The following RFC2 variants were observed in gnomAD, a reference collection of about 807,000 sequenced individuals.
RFC2 encodes A1 40 kDa subunit.
Under a neutral mutation model 44.8 loss-of-function variants are expected in RFC2, and 34 were observed. The ratio of observed to expected loss-of-function variants is 0.76; its 90% confidence interval spans 0.58 to 1.01. RFC2 has a LOEUF of 1.01. Among genes scored for constraint, RFC2 ranks in the 50% least tolerant of loss-of-function variants. The pLI is 0.00. For missense variants in RFC2, 400 were observed against 453.6 expected, an observed-to-expected ratio of 0.88 and a Z score of 1.07; for synonymous variants, 177 against 168.9, an observed-to-expected ratio of 1.05 and a Z score of -0.37.
At position 74,243,602 on chromosome 7, in the gene RFC2, TTC is replaced by T. The variant is rs1232036022; in HGVS notation, c.435-358_435-357del. Among the ~76,000 whole-genome samples the T allele has an allele frequency of 3.3e-5, 5 of 150,300 alleles. 1 individual carries two copies. The South Asian group carries it at 1.0e-3, about 31-fold the overall frequency. ...CCAACTTTTCTTTCTTCCTTTTTTA[TTC>T]TTTTTTTTTTCTTAAAGAGACAGGT... On this transcript the variant is annotated intron_variant, in intron 5 of 10. Transcript: ENST00000055077.
At chr7:74,246,871 T>C in intron 4 of RFC2, 108 bp from the exon 5 acceptor site, 1 of 544,242 alleles carries the variant, frequency 1.8e-6, no homozygotes, top group South Asian at 3.0e-5. Context: ...CCAATTTCCA[T>C]TTTTGAGTTT....
chr7:74,235,819 A>C (rs1802985756), intron 9 of RFC2, among the ~76,000 whole-genome samples, 174 bp from the exon 10 acceptor site: 1 of 151,998 alleles, frequency 6.6e-6, no homozygotes, highest in East Asian at 1.9e-4. Context: ...GTTTTGCTTA[A>C]ATATTTTTTT....
chr7:74,240,890 T>G (rs1480034004), intron 6 of RFC2, among the ~76,000 whole-genome samples: 2 of 152,098 alleles, frequency 1.3e-5, no homozygotes, highest in Non-Finnish European at 2.9e-5. Context: ...CCTCCCAAAG[T>G]GCAGGGATTA....
intron 5 of RFC2, among the ~76,000 whole-genome samples, chr7:74,246,263 G>T (rs1803599855): frequency 6.6e-6 from 1 of 151,882 alleles, no homozygotes; most frequent in African/African-American, 2.4e-5. Context: ...GCCGGGTGTG[G>T]CGGCAGATGC....
chr7:74,235,443 A>G, intron 10 of RFC2, 89 bp downstream of exon 10: 2 of 857,988 alleles, frequency 2.3e-6, no homozygotes, highest in Middle Eastern at 2.2e-4. Context: ...CGGCCTCCCA[A>G]AGTGCTGGGA....
rs1195485391 is a variant in RFC2 at position 74,237,345 on chromosome 7, G to C, written c.840+17C>G. 1 of 1,590,106 alleles carries C rather than the reference G, an allele frequency of 6.3e-7. No homozygotes were observed. Among genetic ancestry groups the C allele is most frequent in the African/African-American group, 1.3e-5 (1 of 74,770 alleles). On this transcript the variant is annotated intron_variant, in intron 9 of 10. Coordinates refer to ENST00000055077, the MANE Select transcript of RFC2 (RefSeq NM_181471.3). The stretch of plus-strand genomic sequence containing the variant: ...AGTGAGCGGTTCCTCTGCCAGGACG[G>C]GGGGAAGGAGGCCAACCTTGTAGGC...
chr7:74,245,310 G>C (rs1355671882), intron 5 of RFC2, among the ~76,000 whole-genome samples: 1 of 151,412 alleles, frequency 6.6e-6, no homozygotes, highest in Admixed American at 6.6e-5. Flanking sequence ...ATGAGCCACC[G>C]AGCCTGGACT....
intron 10 of RFC2, among the ~76,000 whole-genome samples, chr7:74,233,429 T>A (rs1554717572): frequency 6.6e-6 from 1 of 151,886 alleles, no homozygotes; most frequent in Non-Finnish European, 1.5e-5. Context: ...AATGTAAAAA[T>A]TTTAAAAAAT....
Position 74,232,210 on chromosome 7 carries a change from C to T in RFC2, c.961G>A (p.Gly321Arg), listed in dbSNP as rs1313675135. ...TCCGCTATTTTCATGTGAGTGTATC[C>T]AATTTCCTGAAAAACAAACCAAATT... ...YLKLEFIKEI[G>R]YTHMKIAEGV... Residue 321 changes from glycine to arginine, a missense_variant, in exon 11 of 11, where the codon GGA (glycine) becomes AGA (arginine). Coordinates refer to ENST00000055077, the MANE Select transcript of RFC2 (RefSeq NM_181471.3). 1.9e-6 allele frequency: 3 copies of T among 1,596,584 alleles called. No homozygotes were observed.
rs185427482 is a variant in RFC2 at position 74,232,631 on chromosome 7, T to C, written c.955-415A>G. On this transcript the variant is annotated intron_variant, in intron 10 of 10. Transcript: ENST00000055077. ...CCTGTAATCCCAGTACTTTGGGAGG[T>C]CAAGGCAGGTGGATCACGAGCCCAG... Among the ~76,000 whole-genome samples, 462 of 151,932 alleles carry C rather than the reference T, an allele frequency of 3.0e-3. 2 individuals carry two copies. The highest frequency in any genetic ancestry group is 0.011 in the African/African-American group (443 of 41,436).
chr7:74,235,569 A>C lies in RFC2; in HGVS notation c.917T>G (p.Phe306Cys). 4 of 1,613,168 alleles carry C rather than the reference A, an allele frequency of 2.5e-6. No homozygotes were observed. Among genetic ancestry groups the C allele is most frequent in the Non-Finnish European group, 3.4e-6 (4 of 1,179,126 alleles). ...CAGTTTCAGGTATTCTGCCATTTGGAAAGTTTTACACACTCGAAAGATGTT... is the reference window on the plus strand; with the variant it reads ...CAGTTTCAGGTATTCTGCCATTTGGCAAGTTTTACACACTCGAAAGATGTT... ...IGNIFRVCKT[F>C]QMAEYLKLEF... Residue 306 changes from phenylalanine to cysteine, a missense_variant, in exon 10 of 11, where the codon TTC (phenylalanine) becomes TGC (cysteine). Physicochemically the swap from Phe to Cys is radical, Grantham distance 205. Transcript: ENST00000055077.
At chr7:74,249,626 G>C in intron 3 of RFC2, 113 bp downstream of exon 3, 1 of 848,542 alleles carries the variant, frequency 1.2e-6, no homozygotes, top group South Asian at 1.4e-5. Flanking sequence ...TCCCTTTGCC[G>C]GGGGAATGGG....
At chr7:74,243,494 A>G (rs569411979) in intron 5 of RFC2, among the ~76,000 whole-genome samples, 1 of 152,116 alleles carries the variant, frequency 6.6e-6, no homozygotes, top group African/African-American at 2.4e-5. Context: ...ACGATCTACA[A>G]GGGCTGCCAT....
Position 74,254,372 on chromosome 7 carries a change from C to T in RFC2, c.12G>A (p.Glu4=), listed in dbSNP as rs781793637. 2 of 1,602,182 alleles carry T rather than the reference C, an allele frequency of 1.2e-6. No individual in the cohort carries two copies. Among genetic ancestry groups the T allele is most frequent in the Admixed American group, 1.7e-5 (1 of 59,292 alleles). The change falls in exon 1 of 11, where the codon GAG becomes GAA. Residue 4 remains glutamate (E), a synonymous_variant. Transcript: ENST00000055077. ...CCTCGCCCGCGCCACCACAGACGGC[C>T]TCCACCTCCATTCTCGCGCCTCCTC... MEV[E]AVCGGAGEVE...
intron 6 of RFC2, among the ~76,000 whole-genome samples, chr7:74,240,598 T>C (rs1242144974): frequency 2.7e-5 from 4 of 150,172 alleles, no homozygotes; most frequent in Non-Finnish European, 5.9e-5. Flanking sequence ...GAGGCCTCAG[T>C]TGGCACTGCC....
Position 74,252,496 on chromosome 7 carries a change from A to C in RFC2, c.116T>G (p.Val39Gly). 1 of 1,590,174 alleles carries C rather than the reference A, an allele frequency of 6.3e-7. No individual in the cohort carries two copies. The highest frequency in any genetic ancestry group is 8.6e-7 in the Non-Finnish European group (1 of 1,158,476). The stretch of plus-strand genomic sequence containing the variant: ...CAGCTTTACTGGCCTATATTTTTCA[A>C]CCCTGTTAAGAAAATGCATAAAAAT... ...GSAGHYELPW[V>G]EKYRPVKLNE... Residue 39 changes from valine to glycine, a missense_variant and splice_region_variant, in exon 2 of 11, where the codon GTT becomes GGT. Coordinates refer to ENST00000055077, the MANE Select transcript of RFC2 (RefSeq NM_181471.3).
intron 10 of RFC2, among the ~76,000 whole-genome samples, chr7:74,233,238 C>T (rs576557627): frequency 4.1e-4 from 62 of 151,424 alleles, no homozygotes; most frequent in African/African-American, 1.5e-3. Flanking sequence ...GTAGGCCAGG[C>T]GCAGTGGCTC....
Position 74,254,262 on chromosome 7 carries a change from G to A in RFC2, c.113+9C>T. 1.2e-6 allele frequency: 2 copies of A among 1,600,322 alleles called. No homozygotes were observed. The highest frequency in any genetic ancestry group is 8.6e-7 in the Non-Finnish European group (1 of 1,168,324). On this transcript the variant is annotated intron_variant, in intron 1 of 10. Coordinates refer to ENST00000055077, the MANE Select transcript of RFC2 (RefSeq NM_181471.3). ...AAACGCGCCCATTCTTTACGGCCTG[G>A]GACCTCACCACGGCAGTTCGTAGTG...
intron 4 of RFC2, 79 bp from the exon 5 acceptor site, chr7:74,246,842 A>AT: frequency 3.2e-6 from 3 of 934,264 alleles, no homozygotes; most frequent in Non-Finnish European, 5.1e-6. Flanking sequence ...AACAATCGGT[A>AT]TATCAGGGAC....
Sources: allele counts gnomAD v4.1 joint callset (sites outside exome capture counted in the v4.1 genomes callset), GRCh38; gene constraint gnomAD v4.1.1; transcripts MANE v1.5; gene names NCBI Gene and HGNC (gene_info 2026-07-23, HGNC 2026-07-21).